Variants in SLC22A16 observed in about 807,000 individuals in gnomAD.
SLC22A16 encodes the protein WUGSC:RG331P03.1.
A neutral mutation model predicts 52.9 loss-of-function variants in SLC22A16; 53 were observed. The ratio of observed to expected loss-of-function variants is 1.00; its 90% CI spans 0.80 to 1.26. The LOEUF (loss-of-function observed/expected upper bound fraction) is 1.26. Among genes scored for constraint, SLC22A16 ranks in the 50% most tolerant of loss-of-function variants. The probability of loss-of-function intolerance (pLI) is 0.00; values close to 1 mark genes in which losing one functional copy is unlikely to be tolerated. For missense variants in SLC22A16, 726 were observed against 704.0 expected, an observed-to-expected ratio of 1.03 and a Z score of -0.35; for synonymous variants, 291 against 268.8, an observed-to-expected ratio of 1.08 and a Z score of -0.81.
chr6:110,442,911 T>C (rs1775034122), intron 3 of SLC22A16, 136 bp from the exon 4 acceptor site: 1 of 743,868 alleles, frequency 1.3e-6, no homozygotes, highest in African/African-American at 1.8e-5. Context: ...ATCAGATGTA[T>C]AAAATGACAT....
At chr6:110,471,017 C>G (rs1348263985) in intron 1 of SLC22A16, among the ~76,000 whole-genome samples, 1 of 152,158 alleles carries the variant, frequency 6.6e-6, no homozygotes, top group African/African-American at 2.4e-5. Context: ...GGCAGGGGAC[C>G]ACATGCACCG....
chr6:110,432,041 C>T (rs753481700), intron 6 of SLC22A16, among the ~76,000 whole-genome samples: 16 of 152,128 alleles, frequency 1.1e-4, no homozygotes, highest in Non-Finnish European at 1.9e-4. Flanking sequence ...TCTTAATGTG[C>T]TTTTCTTTAA....
chr6:110,444,285 G>A (rs1361235834), intron 3 of SLC22A16, among the ~76,000 whole-genome samples: 1 of 152,120 alleles, frequency 6.6e-6, no homozygotes, highest in African/African-American at 2.4e-5. Context: ...TTTTTGGGAG[G>A]AGGAGGGGAA....
chr6:110,468,141 C>G (rs1370855973), intron 1 of SLC22A16, among the ~76,000 whole-genome samples: 1 of 152,174 alleles, frequency 6.6e-6, no homozygotes, highest in Non-Finnish European at 1.5e-5. Flanking sequence ...AGCTAGTCCA[C>G]GAAAGAAAAC....
intron 2 of SLC22A16, among the ~76,000 whole-genome samples, chr6:110,452,113 G>A (rs1024946666): frequency 6.6e-6 from 1 of 152,058 alleles, no homozygotes; most frequent in African/African-American, 2.4e-5. Flanking sequence ...GCCTCAATCT[G>A]TTTGTCTAGT....
intron 7 of SLC22A16, among the ~76,000 whole-genome samples, chr6:110,430,115 T>G (rs1398953289): frequency 6.6e-6 from 1 of 150,768 alleles, no homozygotes; most frequent in East Asian, 2.0e-4. Context: ...CCAGACAGGG[T>G]GGGGGATGAA....
At chr6:110,453,781 A>G in intron 2 of SLC22A16, 1 of 447,572 alleles carries the variant, frequency 2.2e-6, no homozygotes, top group Non-Finnish European at 4.5e-6. Flanking sequence ...GATAATTTAT[A>G]AAGAAAAGAG....
Position 110,443,786 on chromosome 6 carries a change from C to T in SLC22A16, c.652-1011G>A, listed in dbSNP as rs563649775. ...GCATGGAAGCAACCCCCCAAGGGTC[C>T]GTCCATAGATGAATAGATAAGAAAA... On this transcript the variant is annotated intron_variant, in intron 3 of 7. Transcript: ENST00000368919. Among the ~76,000 whole-genome samples, 12 of 152,226 alleles carry T rather than the reference C, an allele frequency of 7.9e-5. No individual in the cohort carries two copies. In the South Asian group the frequency reaches 1.5e-3, roughly 18 times the overall value.
intron 3 of SLC22A16, among the ~76,000 whole-genome samples, chr6:110,444,202 G>A (rs1476876508): frequency 6.6e-6 from 1 of 152,068 alleles, no homozygotes; most frequent in African/African-American, 2.4e-5. Flanking sequence ...ATAAAAATTA[G>A]ATTACAATAT....
intron 1 of SLC22A16, among the ~76,000 whole-genome samples, chr6:110,468,412 A>C (rs1776144312): frequency 6.6e-6 from 1 of 152,174 alleles, no homozygotes; most frequent in Non-Finnish European, 1.5e-5. Context: ...TGGGAGGCCA[A>C]GGCAGGTGGA....
intron 2 of SLC22A16, among the ~76,000 whole-genome samples, chr6:110,454,787 TATAA>T (rs1156707971): frequency 1.7e-5 from 1 of 59,890 alleles, no homozygotes; most frequent in African/African-American, 7.9e-5. Context: ...TATATAAATA[TATAA>T]ATATATATAA....
At chr6:110,428,172 T>C (rs1463818102) in intron 7 of SLC22A16, among the ~76,000 whole-genome samples, 1 of 152,178 alleles carries the variant, frequency 6.6e-6, no homozygotes, top group Non-Finnish European at 1.5e-5. Flanking sequence ...AGATCAGAGT[T>C]TTCATTTCTC....
intron 1 of SLC22A16, among the ~76,000 whole-genome samples, chr6:110,472,145 A>G (rs1206379155): frequency 1.3e-5 from 2 of 152,210 alleles, no homozygotes; most frequent in Admixed American, 1.3e-4. Context: ...TTCTGAGTTT[A>G]GGCTACCATC....
At position 110,434,853 on chromosome 6, in the gene SLC22A16, G is replaced by A. The variant is rs183027831; in HGVS notation, c.1421+999C>T. ...ATTAGCCGGGTGTAGTGGCATGCAC[G>A]TGTAATCCCAGCTACTCTGGAGGCT... is the stretch of plus-strand genomic sequence containing the variant. On this transcript the variant is annotated intron_variant, in intron 6 of 7. Transcript: ENST00000368919. Among the ~76,000 whole-genome samples, 378 of 152,130 alleles carry A rather than the reference G, an allele frequency of 2.5e-3. 3 individuals are homozygous for A. The highest frequency in any genetic ancestry group is 8.7e-3 in the African/African-American group (362 of 41,530).
intron 1 of SLC22A16, among the ~76,000 whole-genome samples, chr6:110,469,250 C>T (rs975481812): frequency 3.9e-5 from 6 of 152,102 alleles, no homozygotes; most frequent in African/African-American, 7.2e-5. Flanking sequence ...CATCTTAGGC[C>T]GGGCGCAGTG....
At position 110,442,724 on chromosome 6, in the gene SLC22A16, C is replaced by T. The variant is rs1474420890; in HGVS notation, c.703G>A (p.Gly235Ser). ...GACGCCCATGTCCGAGACTTCATGC[C>T]AATGAATTCCATCACATAGACAAAC... ...VGFVYVMEFI[G>S]MKSRTWASVH... The change falls in exon 4 of 8, where the codon GGC becomes AGC. Residue 235 changes from glycine to serine, a missense_variant. Gly to Ser is a moderately conservative substitution (Grantham distance 56). Transcript: ENST00000368919. The T allele has an allele frequency of 2.5e-6, 4 of 1,613,928 alleles. No homozygotes were observed. The highest frequency in any genetic ancestry group is 3.4e-6 in the Non-Finnish European group (4 of 1,180,006).
rs187935524 is a variant in SLC22A16 at position 110,447,297 on chromosome 6, G to A, written c.534-307C>T. On this transcript the variant is annotated intron_variant, in intron 2 of 7. Transcript: ENST00000368919. ...AGAGAATTTGTCCTCTCCCTTTCAG[G>A]ACTTTGGCTCTCTGTGGGATCATCT... Among the ~76,000 whole-genome samples the A allele has an allele frequency of 5.3e-3, 800 of 152,178 alleles. 1 individual carries two copies. The highest frequency in any genetic ancestry group is 0.02 in the Middle Eastern group (6 of 294).
intron 1 of SLC22A16, among the ~76,000 whole-genome samples, chr6:110,466,920 GATA>G (rs1267596031): frequency 1.7e-5 from 2 of 120,726 alleles, no homozygotes; most frequent in Non-Finnish European, 3.5e-5. Flanking sequence ...GTGATAGATA[GATA>G]GATAGATAGA....
chr6:110,431,695 G>A (rs932484778), intron 6 of SLC22A16, among the ~76,000 whole-genome samples: 5 of 152,134 alleles, frequency 3.3e-5, no homozygotes, highest in African/African-American at 1.2e-4. Flanking sequence ...CCATCATTAA[G>A]CAACACATGA....
Sources: gnomAD v4.1 joint callset for allele counts (sites outside exome capture counted in the v4.1 genomes callset) on GRCh38, gnomAD v4.1.1 for gene constraint, MANE v1.5 for transcripts, NCBI Gene and HGNC (gene_info 2026-07-23, HGNC 2026-07-21) for gene names.